ATXN7: variants seen among roughly 807,000 people sequenced by gnomAD.
The protein encoded by ATXN7 is ataxin-7.
In ATXN7, 12 loss-of-function variants were observed where a neutral mutation model predicts 70.5. The ratio of observed to expected loss-of-function variants is 0.17; its 90% CI spans 0.11 to 0.28. ATXN7 has a LOEUF of 0.28. Among genes scored for constraint, ATXN7 ranks in the 10% least tolerant of loss-of-function variants. ATXN7 has a pLI of 1.00. For missense variants in ATXN7, 1,256 were observed against 1,131.7 expected, an observed-to-expected ratio of 1.11 and a Z score of -1.58; for synonymous variants, 498 against 448.7, an observed-to-expected ratio of 1.11 and a Z score of -1.39.
rs2075514988 is a variant in ATXN7, at chr3:63,982,986, A to G, written c.1060A>G (p.Thr354Ala). 3.7e-6 allele frequency: 6 copies of G among 1,614,072 alleles called. No individual in the cohort carries two copies. In the East Asian group the frequency reaches 1.3e-4, roughly 36 times the overall value. Residue 354 changes from threonine to alanine, a missense_variant, in exon 8 of 13, where the codon ACC becomes GCC. Transcript: ENST00000674280. ...CCACTGTGGGGTTATTGATCTCGAC[A>G]CCAAGAAGCCCTGCACCCGGTCTTT... Reference protein sequence around the residue: ...DIHCGVIDLDTKKPCTRSLTC... With the variant: ...DIHCGVIDLDAKKPCTRSLTC...
chr3:63,959,350 G>A (rs1302940339), intron 5 of ATXN7, among the ~76,000 whole-genome samples: 1 of 152,192 alleles, frequency 6.6e-6, no homozygotes, highest in Non-Finnish European at 1.5e-5. Flanking sequence ...GCAGTCGGGG[G>A]ATGAGCCAGG....
intron 5 of ATXN7, among the ~76,000 whole-genome samples, chr3:63,954,569 G>A (rs555930602): frequency 6.6e-6 from 1 of 152,242 alleles, no homozygotes; most frequent in South Asian, 2.1e-4. Context: ...GAATTGATGG[G>A]TAGAGTGGAT....
chr3:63,890,739 G>A (rs2107244475), intron 1 of ATXN7, among the ~76,000 whole-genome samples: 1 of 152,262 alleles, frequency 6.6e-6, no homozygotes, highest in Non-Finnish European at 1.5e-5. Flanking sequence ...CTGCTATAAT[G>A]ACCCAAAACC....
intron 11 of ATXN7, among the ~76,000 whole-genome samples, chr3:63,993,684 T>C (rs2075709689): frequency 6.6e-6 from 1 of 152,188 alleles, no homozygotes; most frequent in Non-Finnish European, 1.5e-5. Flanking sequence ...TAAGAGGAAC[T>C]TGTGATTGCC....
chr3:63,951,492 C>T lies in ATXN7; in HGVS notation c.395-887C>T, dbSNP rs1427342534. Among the ~76,000 whole-genome samples, 3 of 152,154 alleles carry T rather than the reference C, an allele frequency of 2.0e-5. No individual in the cohort carries two copies. In the East Asian group the frequency reaches 5.8e-4, roughly 29 times the overall value. Reference sequence around the variant, plus strand: ...AAGTGTGCTAATTATCCATTCATTGCAGATATTCTAAAGAGTGAATGTAGT... The same window carrying T: ...AAGTGTGCTAATTATCCATTCATTGTAGATATTCTAAAGAGTGAATGTAGT... On this transcript the variant is annotated intron_variant, in intron 4 of 12. Transcript: ENST00000674280.
At chr3:63,873,790 ACCT>A (rs1307282771) in intron 1 of ATXN7, 1 of 152,140 alleles carries the variant, frequency 6.6e-6, no homozygotes, top group South Asian at 2.1e-4. Flanking sequence ...TGCAGCGTTG[ACCT>A]CCTGGCCTCA....
chr3:63,968,079 C>A, intron 5 of ATXN7: 1 of 923,902 alleles, frequency 1.1e-6, no homozygotes. Flanking sequence ...TTACATAGAA[C>A]CAAGCAGATT....
chr3:63,999,131 T>C (rs1346133292), intron 12 of ATXN7: 1 of 280,722 alleles, frequency 3.6e-6, no homozygotes, highest in Non-Finnish European at 6.9e-6. Context: ...AGCACTGGAA[T>C]ACCTTCAAGG....
rs2075816243 is a variant in ATXN7 at position 63,999,889 on chromosome 3, T to A, written c.*422T>A. On this transcript the variant is annotated 3_prime_UTR_variant, in exon 13 of 13. Coordinates refer to ENST00000674280, the MANE Select transcript of ATXN7 (RefSeq NM_001377405.1). ...CCTTCCTTTTACTACCATTTTTTTTTAACACTGTCATCTGTAGGTCACTCT... is the reference window on the plus strand; with the variant it reads ...CCTTCCTTTTACTACCATTTTTTTTAAACACTGTCATCTGTAGGTCACTCT... The A allele has an allele frequency of 4.0e-6, 1 of 250,498 alleles. No homozygotes were observed. The highest frequency in any genetic ancestry group is 8.8e-5 in the East Asian group (1 of 11,394). 15.5% of individuals were successfully genotyped at this position (250,498 alleles called of 1,614,324 possible).
At chr3:63,955,040 CT>C (rs1259576461) in intron 5 of ATXN7, among the ~76,000 whole-genome samples, 1 of 152,170 alleles carries the variant, frequency 6.6e-6, no homozygotes, top group Non-Finnish European at 1.5e-5. Flanking sequence ...ATTTTTCTGT[CT>C]TTCTCCTTTC....
At chr3:63,899,736 C>T (rs936938348) in intron 2 of ATXN7, among the ~76,000 whole-genome samples, 6 of 152,144 alleles carry the variant, frequency 3.9e-5, no homozygotes, top group South Asian at 2.1e-4. Flanking sequence ...GCCTCAGCCT[C>T]CCGACTAGCT....
intron 5 of ATXN7, among the ~76,000 whole-genome samples, chr3:63,977,782 T>C (rs1309755786): frequency 2.6e-5 from 4 of 152,190 alleles, no homozygotes; most frequent in Admixed American, 6.5e-5. Flanking sequence ...AGAATTGTCC[T>C]GTCTGAAATA....
chr3:63,994,222 T>C (rs1329639519), intron 11 of ATXN7, among the ~76,000 whole-genome samples: 1 of 152,154 alleles, frequency 6.6e-6, no homozygotes, highest in Non-Finnish European at 1.5e-5. Context: ...AATGGGGTTT[T>C]GGGTTTTTTT....
At chr3:63,996,581 G>T in intron 12 of ATXN7, 98 bp downstream of exon 12, 2 of 975,912 alleles carry the variant, frequency 2.0e-6, no homozygotes, top group Non-Finnish European at 2.8e-6. Flanking sequence ...TGGTTGGTTG[G>T]TTTGTAAACA....
At chr3:63,964,073 A>AACACACACACACACACACAC (rs10557844) in intron 5 of ATXN7, among the ~76,000 whole-genome samples, 1 of 147,080 alleles carries the variant, frequency 6.8e-6, no homozygotes, top group African/African-American at 2.5e-5. Context: ...TAGACACATA[A>AACACACACACACACACACAC]ACACACACAC....
intron 5 of ATXN7, among the ~76,000 whole-genome samples, chr3:63,969,469 T>A (rs1277988674): frequency 6.6e-6 from 1 of 152,206 alleles, no homozygotes; most frequent in African/African-American, 2.4e-5. Context: ...CAGAAATTTC[T>A]ATTTTAAAAG....
chr3:63,963,242 C>G (rs2075161689), intron 5 of ATXN7, among the ~76,000 whole-genome samples: 1 of 152,112 alleles, frequency 6.6e-6, no homozygotes. Flanking sequence ...TTTTTCTTAG[C>G]TACCTTCACA....
intron 2 of ATXN7, among the ~76,000 whole-genome samples, chr3:63,908,937 G>A (rs1703928027): frequency 6.6e-6 from 1 of 152,174 alleles, no homozygotes; most frequent in Admixed American, 6.5e-5. Context: ...CTTCACCTCT[G>A]ACAGCCCAGT....
At chr3:63,912,035 A>G in intron 2 of ATXN7, 1 of 152,184 alleles carries the variant, frequency 6.6e-6, no homozygotes, top group African/African-American at 2.4e-5. Flanking sequence ...GAGCGAGCTG[A>G]GAGGGAGGGA....
Sources: allele counts gnomAD v4.1 joint callset (sites outside exome capture counted in the v4.1 genomes callset), GRCh38; gene constraint gnomAD v4.1.1; transcripts MANE v1.5; gene names NCBI Gene and HGNC (gene_info 2026-07-23, HGNC 2026-07-21).